Variants in PADI4 observed in about 807,000 individuals in gnomAD.
The protein encoded by PADI4 is protein-arginine deiminase type-4.
Under a neutral mutation model 75.0 loss-of-function variants are expected in PADI4, and 62 were observed. The observed-to-expected ratio is 0.83, with a 90% confidence interval of 0.67 to 1.02. PADI4 has a LOEUF of 1.02. Among genes scored for constraint, PADI4 ranks in the 50% least tolerant of loss-of-function variants. PADI4 has a pLI of 0.00. For missense variants in PADI4, 845 were observed against 850.5 expected, an observed-to-expected ratio of 0.99 and a Z score of 0.08; for synonymous variants, 361 against 348.1, an observed-to-expected ratio of 1.04 and a Z score of -0.41.
At chr1:17,362,085 A>G (rs2074855435) in intron 15 of PADI4, among the ~76,000 whole-genome samples, 2 of 152,176 alleles carry the variant, frequency 1.3e-5, no homozygotes, top group African/African-American at 4.8e-5. Context: ...AGCATCAGAA[A>G]GAACGAAATC....
At chr1:17,342,547 G>A in intron 8 of PADI4, 145 bp downstream of exon 8, 1 of 618,504 alleles carries the variant, frequency 1.6e-6, no homozygotes, top group Non-Finnish European at 2.9e-6. Context: ...TAAAAAGGCA[G>A]GGAAGTTCCC....
rs375570263 is a variant in PADI4 at position 17,354,828 on chromosome 1, C to A, written c.1310+141C>A. On this transcript the variant is annotated intron_variant, in intron 11 of 15. Transcript: ENST00000375448. ...TGAGGGAGTGTGAGAGGAATCCAAGCGCAGGGTGAGGAATGCGGGCTTTGG... is the reference window on the plus strand; with the variant it reads ...TGAGGGAGTGTGAGAGGAATCCAAGAGCAGGGTGAGGAATGCGGGCTTTGG... 1.1e-5 allele frequency: 9 copies of A among 811,682 alleles called. No individual in the cohort carries two copies. In the Admixed American group the frequency reaches 1.9e-4, roughly 17 times the overall value. The allele number at this position is 811,682 out of a possible 1,614,324, so 50.3% of individuals were successfully genotyped here. A position where few individuals can be genotyped will look rare whatever the true frequency, so the allele number is the denominator to read the frequency against.
At chr1:17,323,011 T>C (rs2074057352) in intron 1 of PADI4, among the ~76,000 whole-genome samples, 1 of 152,178 alleles carries the variant, frequency 6.6e-6, no homozygotes, top group Non-Finnish European at 1.5e-5. Context: ...TACTTCAAGG[T>C]TTCTCATAAT....
chr1:17,322,819 C>A (rs1178365282), intron 1 of PADI4, among the ~76,000 whole-genome samples: 1 of 151,882 alleles, frequency 6.6e-6, no homozygotes, highest in African/African-American at 2.4e-5. Flanking sequence ...TTTCCTTCTT[C>A]TTTCTCTTTT....
At chr1:17,310,584 T>C (rs2073805115) in intron 1 of PADI4, among the ~76,000 whole-genome samples, 1 of 151,916 alleles carries the variant, frequency 6.6e-6, no homozygotes, top group Admixed American at 6.6e-5. Context: ...AAGATTGGGC[T>C]AGTGCACTCC....
At chr1:17,355,406 G>A (rs189923054) in intron 11 of PADI4, among the ~76,000 whole-genome samples, 1 of 152,242 alleles carries the variant, frequency 6.6e-6, no homozygotes, top group Admixed American at 6.5e-5. Context: ...AAAATTAGCT[G>A]GGCCTGGTGA....
At chr1:17,329,157 C>T (rs1225255929) in intron 1 of PADI4, among the ~76,000 whole-genome samples, 1 of 150,274 alleles carries the variant, frequency 6.7e-6, no homozygotes, top group Non-Finnish European at 1.5e-5. Context: ...TTACAACTGA[C>T]CCTTGAATAA....
At chr1:17,313,020 T>A (rs1387355146) in intron 1 of PADI4, among the ~76,000 whole-genome samples, 1 of 151,910 alleles carries the variant, frequency 6.6e-6, no homozygotes, top group Non-Finnish European at 1.5e-5. Flanking sequence ...TGAAACCCTG[T>A]CTCTACTAAA....
At chr1:17,341,159 C>T (rs1198961036) in intron 6 of PADI4, among the ~76,000 whole-genome samples, 21 of 143,980 alleles carry the variant, frequency 1.5e-4, no homozygotes, top group African/African-American at 4.4e-4. Flanking sequence ...AGTGCAGTGG[C>T]GCAATCTCAA....
In PADI4 at chr1:17,311,618, G is replaced by T. The variant is rs555500975; in HGVS notation, c.92+3304G>T. Among the ~76,000 whole-genome samples, 11 of 151,762 alleles carry T rather than the reference G, an allele frequency of 7.2e-5. 1 individual carries two copies. The South Asian group carries it at 2.1e-3, about 29-fold the overall frequency. On this transcript the variant is annotated intron_variant, in intron 1 of 15. Coordinates refer to ENST00000375448, the MANE Select transcript of PADI4 (RefSeq NM_012387.3). ...TGGCTCACCGCAAGCTCCACCTCCC[G>T]GGTTCACGCAATTCTCCTGCCTCAG...
At chr1:17,310,168 A>G (rs2073794520) in intron 1 of PADI4, among the ~76,000 whole-genome samples, 1 of 152,116 alleles carries the variant, frequency 6.6e-6, no homozygotes, top group African/African-American at 2.4e-5. Context: ...CACTTCCTAC[A>G]TTCAACTCAT....
At chr1:17,311,012 G>A (rs779932405) in intron 1 of PADI4, among the ~76,000 whole-genome samples, 7 of 151,482 alleles carry the variant, frequency 4.6e-5, no homozygotes, top group African/African-American at 1.2e-4. Context: ...CAGGAGAATC[G>A]CTTGAACCCA....
At chr1:17,340,473 G>A (rs1265946333) in intron 6 of PADI4, among the ~76,000 whole-genome samples, 1 of 152,106 alleles carries the variant, frequency 6.6e-6, no homozygotes, top group Non-Finnish European at 1.5e-5. Flanking sequence ...GGGAGGTATA[G>A]GAACAGCCAG....
chr1:17,340,751 T>C (rs1203041607), intron 6 of PADI4, among the ~76,000 whole-genome samples: 3 of 149,880 alleles, frequency 2.0e-5, no homozygotes, highest in Non-Finnish European at 4.4e-5. Flanking sequence ...GGCCTGACAA[T>C]CATTCTGATC....
intron 1 of PADI4, among the ~76,000 whole-genome samples, chr1:17,322,774 G>A (rs1056201030): frequency 7.2e-5 from 11 of 151,770 alleles, no homozygotes; most frequent in Non-Finnish European, 1.3e-4. Flanking sequence ...TTTCTTCTAG[G>A]CAATTTATGT....
At position 17,342,021 on chromosome 1, in the gene PADI4, A is replaced by G. The variant is rs758008611; in HGVS notation, c.731A>G (p.Lys244Arg). 1.2e-6 allele frequency: 2 copies of G among 1,614,014 alleles called. No individual in the cohort carries two copies. The change falls in exon 7 of 16, where the codon AAG becomes AGG. Residue 244 changes from lysine (K) to arginine (R), a missense_variant. Lys to Arg is a conservative substitution (Grantham distance 26). Coordinates refer to ENST00000375448, the MANE Select transcript of PADI4 (RefSeq NM_012387.3). ...CACTACCTGATGGTCCCCGGTGGAA[A>G]GCACAACATGGACTTCTACGTGGAG... ...PSHYLMVPGG[K>R]HNMDFYVEAL...
At chr1:17,315,415 G>A (rs751758966) in intron 1 of PADI4, among the ~76,000 whole-genome samples, 13 of 152,202 alleles carry the variant, frequency 8.5e-5, no homozygotes, top group Non-Finnish European at 1.6e-4. Flanking sequence ...TATAATGTGT[G>A]GGACGTACTT....
intron 2 of PADI4, 47 bp from the exon 3 acceptor site, chr1:17,333,896 T>G: frequency 1.4e-6 from 2 of 1,436,230 alleles, no homozygotes; most frequent in Non-Finnish European, 2.0e-6. Context: ...CCAGTGGGTG[T>G]TTGTTGAATG....
At position 17,342,387 on chromosome 1, in the gene PADI4, A is replaced by G; in HGVS notation, c.920A>G (p.Glu307Gly). The G allele has an allele frequency of 1.2e-6, 2 of 1,611,758 alleles. No individual in the cohort carries two copies. The highest frequency in any genetic ancestry group is 1.7e-6 in the Non-Finnish European group (2 of 1,178,056). The change falls in exon 8 of 16, where the codon GAG becomes GGG. Residue 307 changes from glutamate (E) to glycine (G), a missense_variant. Glu to Gly is a moderately conservative substitution (Grantham distance 98, BLOSUM62 -2). Coordinates refer to ENST00000375448, the MANE Select transcript of PADI4 (RefSeq NM_012387.3). ...ACCCCCAACACCCAGCCCCCGCAGG[A>G]GGTGTACGCGTGCAGGTGAGAGGTC... Reference protein sequence around the residue: ...IMTPNTQPPQEVYACSIFENE... With the variant: ...IMTPNTQPPQGVYACSIFENE...
Sources: gnomAD v4.1 joint callset for allele counts (sites outside exome capture counted in the v4.1 genomes callset) on GRCh38, gnomAD v4.1.1 for gene constraint, MANE v1.5 for transcripts, NCBI Gene and HGNC (gene_info 2026-07-23, HGNC 2026-07-21) for gene names.